The following NUMB variants were observed in gnomAD, a reference collection of about 807,000 sequenced individuals.
The protein encoded by NUMB is NUMB endocytic adaptor protein, also known as protein numb homolog.
A neutral mutation model predicts 59.7 loss-of-function variants in NUMB; 29 were observed. The observed-to-expected ratio is 0.49, with a 90% CI of 0.36 to 0.66. The LOEUF is 0.66. Among genes scored for constraint, NUMB ranks in the 30% least tolerant of loss-of-function variants. NUMB has a pLI of 0.00. For synonymous variants in NUMB, 288 were observed against 288.2 expected, an observed-to-expected ratio of 1.00 and a Z score of 0.01; for missense variants, 723 against 822.0, an observed-to-expected ratio of 0.88 and a Z score of 1.47.
intron 4 of NUMB, among the ~76,000 whole-genome samples, chr14:73,333,910 G>A (rs941635392): frequency 9.2e-5 from 14 of 151,728 alleles, no homozygotes; most frequent in Non-Finnish European, 2.1e-4. Flanking sequence ...TGTTGCCCAG[G>A]CTGGAGTGCA....
intron 12 of NUMB, among the ~76,000 whole-genome samples, chr14:73,278,045 C>CAAAAAAAAAAAAAAAAAAAAAAAAAAAA: frequency 1.4e-5 from 1 of 69,236 alleles, no homozygotes; most frequent in Non-Finnish European, 2.6e-5. Context: ...GACTCCGTCT[C>CAAAAAAAAAAAAAAAAAAAAAAAAAAAA]AAAAAAAAAA....
intron 2 of NUMB, among the ~76,000 whole-genome samples, chr14:73,382,490 A>C (rs1183985639): frequency 6.6e-6 from 1 of 151,994 alleles, no homozygotes; most frequent in Non-Finnish European, 1.5e-5. Context: ...AGTCTCACAG[A>C]AAAATTAAGA....
At chr14:73,356,970 T>C in intron 3 of NUMB, 1 of 757,934 alleles carries the variant, frequency 1.3e-6, no homozygotes, top group Non-Finnish European at 1.6e-6. Context: ...AGTGCTGGAA[T>C]TACAGGCGTG....
At chr14:73,341,724 C>T (rs1892638594) in intron 4 of NUMB, among the ~76,000 whole-genome samples, 1 of 152,026 alleles carries the variant, frequency 6.6e-6, no homozygotes, top group South Asian at 2.1e-4. Context: ...GTTTTGTTAC[C>T]ACAAACTTGT....
intron 2 of NUMB, among the ~76,000 whole-genome samples, chr14:73,397,012 T>C (rs1365173388): frequency 6.6e-6 from 1 of 152,124 alleles, no homozygotes; most frequent in Non-Finnish European, 1.5e-5. Flanking sequence ...TAATTCCAGC[T>C]GCTCAGGAGG....
At chr14:73,415,185 G>A (rs1476121107) in intron 1 of NUMB, among the ~76,000 whole-genome samples, 1 of 102,010 alleles carries the variant, frequency 9.8e-6, no homozygotes, top group Non-Finnish European at 1.9e-5. Flanking sequence ...TTAACAGACT[G>A]TAGTGCTTGC....
At chr14:73,325,437 G>A (rs1891613484) in intron 4 of NUMB, among the ~76,000 whole-genome samples, 1 of 152,174 alleles carries the variant, frequency 6.6e-6, no homozygotes, top group African/African-American at 2.4e-5. Flanking sequence ...CTGGGTGATA[G>A]AGAGAGACCC....
At chr14:73,280,207 T>C (rs1888521780) in intron 11 of NUMB, among the ~76,000 whole-genome samples, 1 of 152,142 alleles carries the variant, frequency 6.6e-6, no homozygotes, top group African/African-American at 2.4e-5. Context: ...AAAATGTATA[T>C]ATGATTCGTT....
intron 1 of NUMB, among the ~76,000 whole-genome samples, chr14:73,423,200 A>G (rs150490740): frequency 6.6e-6 from 1 of 152,218 alleles, no homozygotes; most frequent in Non-Finnish European, 1.5e-5. Flanking sequence ...CACAAGATCA[A>G]TATAAAGACT....
At chr14:73,451,542 G>T (rs1397819564) in intron 1 of NUMB, among the ~76,000 whole-genome samples, 3 of 151,460 alleles carry the variant, frequency 2.0e-5, no homozygotes, top group Non-Finnish European at 4.4e-5. Context: ...TTGAACCTGG[G>T]AGGTGGAGAT....
At chr14:73,371,533 C>CA (rs879379679) in intron 2 of NUMB, among the ~76,000 whole-genome samples, 214 of 136,124 alleles carry the variant, frequency 1.6e-3, no homozygotes, top group Middle Eastern at 3.7e-3. Flanking sequence ...GACTCCATCT[C>CA]AAAAAAAAAA....
chr14:73,288,100 CA>C (rs1465788813), intron 8 of NUMB, among the ~76,000 whole-genome samples: 11 of 152,228 alleles, frequency 7.2e-5, no homozygotes, highest in South Asian at 6.2e-4. Context: ...TTCTGATAAA[CA>C]AATATAATTC....
At chr14:73,436,341 G>C (rs1898052040) in intron 1 of NUMB, among the ~76,000 whole-genome samples, 1 of 152,054 alleles carries the variant, frequency 6.6e-6, no homozygotes, top group East Asian at 1.9e-4. Context: ...TTTGTTGACG[G>C]AGTCCCACTC....
chr14:73,405,795 T>C (rs947256739), intron 2 of NUMB, among the ~76,000 whole-genome samples: 1 of 152,006 alleles, frequency 6.6e-6, no homozygotes, highest in Non-Finnish European at 1.5e-5. Flanking sequence ...TGGGTTTTTT[T>C]TCTTCTCTCT....
chr14:73,279,294 T>G lies in NUMB; in HGVS notation c.1227A>C (p.Ala409=). ...TGGCCACCTTACCCGAACATGTGGC[T>G]GCAATTTCCTTGTTAGCAGCATCAG... ...HAPDAANKEI[A]ATCSGTEWGQ... The change falls in exon 12 of 13, where the codon GCA becomes GCC. Residue 409 remains alanine (A), a synonymous_variant. Transcript: ENST00000555238. 1 of 1,614,194 alleles carries G rather than the reference T, an allele frequency of 6.2e-7. No individual in the cohort carries two copies. The highest frequency in any genetic ancestry group is 8.5e-7 in the Non-Finnish European group (1 of 1,180,008).
intron 12 of NUMB, among the ~76,000 whole-genome samples, chr14:73,278,901 T>C (rs1888402067): frequency 6.6e-6 from 1 of 152,038 alleles, no homozygotes; most frequent in Non-Finnish European, 1.5e-5. Flanking sequence ...CTAATTTTTG[T>C]ATTTTTAGTA....
chr14:73,415,202 T>A (rs989570962), intron 1 of NUMB, among the ~76,000 whole-genome samples: 8 of 152,142 alleles, frequency 5.3e-5, no homozygotes, highest in African/African-American at 1.9e-4. Flanking sequence ...TTGCTTCTCA[T>A]GTTCTGCTTT....
rs185751175 is a variant in NUMB at position 73,428,858 on chromosome 14, C to T, written c.-232-18790G>A. On this transcript the variant is annotated intron_variant, in intron 1 of 12. Coordinates refer to ENST00000555238, the MANE Select transcript of NUMB (RefSeq NM_001005743.2). ...AAATAAAACATTTTCTGAGATATTT[C>T]CAAAATAATTTTTAATATGGTAATA... is the stretch of plus-strand genomic sequence containing the variant. Among the ~76,000 whole-genome samples the T allele has an allele frequency of 3.9e-3, 592 of 152,092 alleles. 3 individuals carry two copies. The highest frequency in any genetic ancestry group is 6.8e-3 in the Admixed American group (103 of 15,254).
At chr14:73,415,819 C>T (rs1897105564) in intron 1 of NUMB, among the ~76,000 whole-genome samples, 1 of 151,664 alleles carries the variant, frequency 6.6e-6, no homozygotes, top group Non-Finnish European at 1.5e-5. Flanking sequence ...AGTCAAGAAG[C>T]CATGATAAAT....
Sources: allele counts gnomAD v4.1 joint callset (sites outside exome capture counted in the v4.1 genomes callset), GRCh38; gene constraint gnomAD v4.1.1; transcripts MANE v1.5; gene names NCBI Gene and HGNC (gene_info 2026-07-23, HGNC 2026-07-21).